COL14A1: variants seen among roughly 807,000 people sequenced by gnomAD.
The protein encoded by COL14A1 is collagen alpha-1(XIV) chain.
In COL14A1, 136 loss-of-function variants were observed where a neutral mutation model predicts 230.3. The ratio of observed to expected loss-of-function variants is 0.59; its 90% CI spans 0.51 to 0.68. COL14A1 has a LOEUF of 0.68. Ranked by LOEUF, COL14A1 falls within the 30% of genes least tolerant of loss-of-function variation. The probability of loss-of-function intolerance (pLI) is 0.00; values close to 1 mark genes in which losing one functional copy is unlikely to be tolerated. For missense variants in COL14A1, 1,976 were observed against 2,215.8 expected (o/e 0.89, Z 2.17); for synonymous variants, 792 against 784.1 (o/e 1.01, Z -0.17).
At chr8:120,160,969 A>C (rs1815647416) in intron 3 of COL14A1, among the ~76,000 whole-genome samples, 1 of 152,192 alleles carries the variant, frequency 6.6e-6, no homozygotes. Context: ...GAGGGACTCT[A>C]ATATACAGGG....
intron 43 of COL14A1, 24 bp from the exon 44 acceptor site, chr8:120,342,356 G>A (rs201060399): frequency 2.5e-6 from 4 of 1,612,472 alleles, no homozygotes; most frequent in Non-Finnish European, 3.4e-6. Flanking sequence ...GCTGAGTCAG[G>A]AGTATGCTTT....
intron 5 of COL14A1, among the ~76,000 whole-genome samples, chr8:120,190,074 T>C (rs377424224): frequency 6.6e-6 from 1 of 151,054 alleles, no homozygotes; most frequent in Non-Finnish European, 1.5e-5. Context: ...ACTTCCACAA[T>C]GGTTGAACTA....
intron 5 of COL14A1, among the ~76,000 whole-genome samples, chr8:120,173,967 G>T (rs147555493): frequency 4.1e-4 from 62 of 152,236 alleles, no homozygotes; most frequent in African/African-American, 1.4e-3. Context: ...TCTTGGATTA[G>T]TTCTTTTCTT....
intron 22 of COL14A1, among the ~76,000 whole-genome samples, chr8:120,253,653 G>A (rs975067864): frequency 1.2e-4 from 18 of 152,354 alleles, no homozygotes; most frequent in African/African-American, 4.1e-4. Context: ...GCCGGGTGCA[G>A]TGGCTCACGC....
At chr8:120,285,463 CAAAAAAA>C (rs1218052645) in intron 32 of COL14A1, among the ~76,000 whole-genome samples, 3 of 64,990 alleles carry the variant, frequency 4.6e-5, no homozygotes, top group East Asian at 5.4e-4. Context: ...GACTCCATCT[CAAAAAAA>C]AAAAAAAAAA....
rs1054823006 is a variant in COL14A1, at chr8:120,167,953, A to C, written c.350-208A>C. Among the ~76,000 whole-genome samples, 14 of 152,232 alleles carry C rather than the reference A, an allele frequency of 9.2e-5. 1 individual carries two copies. Among genetic ancestry groups the C allele is most frequent in the Non-Finnish European group, 2.1e-4 (14 of 68,038 alleles). Reference sequence around the variant, plus strand: ...CCCATAGTGCATACTCAGCCAAAGTAATTCCTTAAGTGTTTCTGTGTCTTT... The same window carrying C: ...CCCATAGTGCATACTCAGCCAAAGTCATTCCTTAAGTGTTTCTGTGTCTTT... On this transcript the variant is annotated intron_variant, in intron 4 of 47. Coordinates refer to ENST00000297848, the MANE Select transcript of COL14A1 (RefSeq NM_021110.4).
chr8:120,307,046 T>C (rs1820876979), intron 36 of COL14A1, among the ~76,000 whole-genome samples: 1 of 152,138 alleles, frequency 6.6e-6, no homozygotes, highest in African/African-American at 2.4e-5. Flanking sequence ...TAGAGGGAGA[T>C]GGTCTGAAGA....
At chr8:120,172,666 T>G (rs1268174686) in intron 5 of COL14A1, among the ~76,000 whole-genome samples, 2 of 152,204 alleles carry the variant, frequency 1.3e-5, no homozygotes, top group Non-Finnish European at 2.9e-5. Context: ...TGGTTACAAA[T>G]TCACAGGACA....
chr8:120,178,160 G>T (rs575928435), intron 5 of COL14A1, among the ~76,000 whole-genome samples: 1 of 151,926 alleles, frequency 6.6e-6, no homozygotes, highest in Non-Finnish European at 1.5e-5. Flanking sequence ...AGGTATACAC[G>T]TGGCATGGTG....
intron 2 of COL14A1, among the ~76,000 whole-genome samples, chr8:120,150,631 G>A (rs1815250918): frequency 6.6e-6 from 1 of 152,042 alleles, no homozygotes; most frequent in Admixed American, 6.6e-5. Context: ...TCTCTTTAGT[G>A]TCTGTATCTC....
At chr8:120,172,145 T>TTTTGTTTG (rs61273777) in intron 5 of COL14A1, among the ~76,000 whole-genome samples, 21 of 151,240 alleles carry the variant, frequency 1.4e-4, no homozygotes, top group African/African-American at 3.7e-4. Flanking sequence ...GGTTAAATTC[T>TTTTGTTTG]TTTGTTTGTT....
rs578198723 is a variant in COL14A1 at position 120,213,309 on chromosome 8, G to A, written c.1597+732G>A. ...ATACTATTAAAATATGGCTCTATTC[G>A]TGATCTTTTGAAACATAAGAAAGTG... On this transcript the variant is annotated intron_variant, in intron 13 of 47. Coordinates refer to ENST00000297848, the MANE Select transcript of COL14A1 (RefSeq NM_021110.4). Among the ~76,000 whole-genome samples the A allele has an allele frequency of 2.6e-5, 4 of 152,140 alleles. No homozygotes were observed. In the South Asian group the frequency reaches 8.3e-4, roughly 32 times the overall value.
At chr8:120,342,288 A>C in intron 43 of COL14A1, 92 bp from the exon 44 acceptor site, 2 of 1,278,640 alleles carry the variant, frequency 1.6e-6, no homozygotes, top group Middle Eastern at 2.0e-4. Context: ...CCTGATGGGA[A>C]CAATGGGGCA....
chr8:120,166,875 AGT>A (rs4053270), intron 4 of COL14A1, among the ~76,000 whole-genome samples: 7,922 of 116,882 alleles, frequency 0.068, 292 homozygotes, highest in African/African-American at 0.12. Context: ...AAAGAATTTA[AGT>A]GTGTGTGTGT....
chr8:120,263,428 T>A (rs1819402912), intron 24 of COL14A1, among the ~76,000 whole-genome samples: 1 of 152,316 alleles, frequency 6.6e-6, no homozygotes, highest in Admixed American at 6.5e-5. Context: ...TCCAACTGGA[T>A]GACCCTAGAG....
chr8:120,243,562 C>T lies in COL14A1; in HGVS notation c.2350-317C>T, dbSNP rs1056686999. ...AGAATGAGCTCTCCCAATCTATAAACACCTGCTATCTAAACAGGCCATTAT... is the reference window on the plus strand; with the variant it reads ...AGAATGAGCTCTCCCAATCTATAAATACCTGCTATCTAAACAGGCCATTAT... On this transcript the variant is annotated intron_variant, in intron 19 of 47. Coordinates refer to ENST00000297848, the MANE Select transcript of COL14A1 (RefSeq NM_021110.4). Among the ~76,000 whole-genome samples, 15 of 152,330 alleles carry T rather than the reference C, an allele frequency of 9.8e-5. 2 individuals carry two copies. The South Asian group carries it at 3.1e-3, about 32-fold the overall frequency.
chr8:120,145,808 T>C (rs1188274818), intron 1 of COL14A1, among the ~76,000 whole-genome samples: 1 of 152,184 alleles, frequency 6.6e-6, no homozygotes, highest in East Asian at 1.9e-4. Flanking sequence ...AAATAAGTTG[T>C]GATACCGCAT....
In COL14A1 at chr8:120,289,680, A is replaced by T. The variant is rs763309801; in HGVS notation, c.4150A>T (p.Asn1384Tyr). 6.2e-7 allele frequency: 1 copy of T among 1,614,142 alleles called. No homozygotes were observed. Among genetic ancestry groups the T allele is most frequent in the Non-Finnish European group, 8.5e-7 (1 of 1,179,984 alleles). Residue 1384 changes from asparagine (N) to tyrosine (Y), a missense_variant, in exon 34 of 48, where the codon AAC (asparagine) becomes TAC (tyrosine). By Grantham distance (143) the Asn-to-Tyr change is moderately radical. Coordinates refer to ENST00000297848, the MANE Select transcript of COL14A1 (RefSeq NM_021110.4). ...DCKQVGEKAM[N>Y]ASANITSDGV... is the part of the protein sequence containing the mutation. ...CAAGCAAGTGGGTGAGAAGGCAATG[A>T]ACGCATCAGCTAATATCACGTCAGA...
chr8:120,207,209 G>A, intron 10 of COL14A1, 115 bp downstream of exon 10: 1 of 929,164 alleles, frequency 1.1e-6, no homozygotes, highest in Non-Finnish European at 1.5e-6. Context: ...ACATTTTAAA[G>A]AATTTGACTG....
Sources: allele counts gnomAD v4.1 joint callset (sites outside exome capture counted in the v4.1 genomes callset), GRCh38; gene constraint gnomAD v4.1.1; transcripts MANE v1.5; gene names NCBI Gene and HGNC (gene_info 2026-07-23, HGNC 2026-07-21).